PLAAT2: variants seen among roughly 807,000 people sequenced by gnomAD.
PLAAT2 encodes the protein phospholipase A and acyltransferase 2, also known as HRAS like suppressor 2.
Under a neutral mutation model 12.8 loss-of-function variants are expected in PLAAT2, and 12 were observed. The observed-to-expected ratio is 0.94, with a 90% CI of 0.60 to 1.52. PLAAT2 has a LOEUF of 1.52. PLAAT2 is among the 40% of genes most tolerant of loss of function. PLAAT2 has a pLI of 0.00. For synonymous variants in PLAAT2, 79 were observed against 86.8 expected (o/e 0.91, Z 0.50); for missense variants, 166 against 208.1 (o/e 0.80, Z 1.24).
intron 3 of PLAAT2, 145 bp from the exon 4 acceptor site, chr11:63,553,210 G>A (rs2017434193): frequency 3.4e-6 from 2 of 593,946 alleles, no homozygotes; most frequent in South Asian, 2.1e-5. Flanking sequence ...GCTGGGAGAG[G>A]GGATGCCAAG....
rs117353413 is a variant in PLAAT2, at chr11:63,554,843, C to T, written c.388-1778G>A. Among the ~76,000 whole-genome samples, 434 of 152,212 alleles carry T rather than the reference C, an allele frequency of 2.9e-3. 2 individuals carry two copies. Among genetic ancestry groups the T allele is most frequent in the Middle Eastern group, 0.021 (6 of 292 alleles). On this transcript the variant is annotated intron_variant, in intron 3 of 3. Transcript: ENST00000255695. Reference sequence around the variant, plus strand: ...GGGGAAAAGAAAGGGGGAAAAAAAACCATTTTATTCAAATACACTCAGAAT... The same window carrying T: ...GGGGAAAAGAAAGGGGGAAAAAAAATCATTTTATTCAAATACACTCAGAAT...
rs200778505 is a variant in PLAAT2 at position 63,560,211 on chromosome 11, G to A, written c.10-18C>T. 1.9e-5 allele frequency: 30 copies of A among 1,596,590 alleles called. No homozygotes were observed. Among genetic ancestry groups the A allele is most frequent in the Non-Finnish European group, 2.5e-5 (29 of 1,165,202 alleles). On this transcript the variant is annotated intron_variant, in intron 1 of 3. Coordinates refer to ENST00000255695, the MANE Select transcript of PLAAT2 (RefSeq NM_017878.2). ...GGTCTGGCCTGCAACAGAAAAACCA[G>A]AAACAGGCAGAGGTGAGCCATCTGC...
chr11:63,555,774 G>C (rs1206023946), intron 3 of PLAAT2, among the ~76,000 whole-genome samples: 1 of 152,180 alleles, frequency 6.6e-6, no homozygotes, highest in East Asian at 1.9e-4. Context: ...TTTATACAAG[G>C]GACTTCAGCA....
Position 63,560,713 on chromosome 11 carries a change from A to G in PLAAT2, c.10-520T>C, listed in dbSNP as rs547169392. ...TTGGGTGAAAACTATCATTACCCCCACTTGACAATGAGCACATGGAGTCTC... is the reference window on the plus strand; with the variant it reads ...TTGGGTGAAAACTATCATTACCCCCGCTTGACAATGAGCACATGGAGTCTC... On this transcript the variant is annotated intron_variant, in intron 1 of 3. Coordinates refer to ENST00000255695, the MANE Select transcript of PLAAT2 (RefSeq NM_017878.2). 2.0e-5 allele frequency among the ~76,000 whole-genome samples: 3 copies of G among 152,290 alleles called. No individual in the cohort carries two copies. In the East Asian group the frequency reaches 5.8e-4, roughly 29 times the overall value.
Position 63,558,667 on chromosome 11 carries a change from A to T in PLAAT2, c.119-7T>A, listed in dbSNP as rs755252989. On this transcript the variant is annotated splice_polypyrimidine_tract_variant and splice_region_variant and intron_variant, in intron 2 of 3. Transcript: ENST00000255695. The stretch of plus-strand genomic sequence containing the variant: ...CCAGCTCCAGCAATTTCACCTGTGC[A>T]AACAGTGAGTTCAGTCCTGGGCAGG... 1 of 1,613,996 alleles carries T rather than the reference A, an allele frequency of 6.2e-7. No homozygotes were observed.
intron 3 of PLAAT2, among the ~76,000 whole-genome samples, chr11:63,557,081 T>A (rs778344516): frequency 2.0e-5 from 3 of 152,220 alleles, no homozygotes; most frequent in Non-Finnish European, 4.4e-5. Flanking sequence ...CTGAATGAGC[T>A]AAATGTGCAA....
intron 3 of PLAAT2, among the ~76,000 whole-genome samples, chr11:63,556,259 C>T (rs2017465797): frequency 6.6e-6 from 1 of 152,120 alleles, no homozygotes; most frequent in Non-Finnish European, 1.5e-5. Flanking sequence ...GGGTGACCTG[C>T]AGGAGATGAA....
intron 3 of PLAAT2, among the ~76,000 whole-genome samples, chr11:63,558,103 T>C (rs917592956): frequency 6.6e-6 from 1 of 152,054 alleles, no homozygotes; most frequent in African/African-American, 2.4e-5. Flanking sequence ...ATCTGTAAAG[T>C]GGGAATCATA....
intron 2 of PLAAT2, among the ~76,000 whole-genome samples, chr11:63,559,198 G>A (rs188258247): frequency 2.2e-4 from 33 of 152,302 alleles, no homozygotes; most frequent in Non-Finnish European, 4.3e-4. Context: ...TAGCTACTCC[G>A]GGGGCGAGGC....
chr11:63,560,996 T>C (rs984475694), intron 1 of PLAAT2, among the ~76,000 whole-genome samples: 6 of 152,132 alleles, frequency 3.9e-5, no homozygotes, highest in African/African-American at 1.4e-4. Context: ...AGACAGCCCT[T>C]GCCACATAAA....
At chr11:63,557,794 T>G (rs900085148) in intron 3 of PLAAT2, among the ~76,000 whole-genome samples, 6 of 152,194 alleles carry the variant, frequency 3.9e-5, no homozygotes, top group African/African-American at 1.4e-4. Context: ...TTGCCCAACA[T>G]GATCTGGGCT....
rs1187594480 is a variant in PLAAT2, at chr11:63,561,307, T to C, written c.10-1114A>G. ...GGCATAAGAATCATACAACGGACTC[T>C]GAAGACTGAGGGAAAAGGGTGGGAG... On this transcript the variant is annotated intron_variant, in intron 1 of 3. Coordinates refer to ENST00000255695, the MANE Select transcript of PLAAT2 (RefSeq NM_017878.2). Among the ~76,000 whole-genome samples the C allele has an allele frequency of 2.0e-5, 3 of 152,154 alleles. No homozygotes were observed. The East Asian group carries it at 5.8e-4, about 29-fold the overall frequency.
chr11:63,563,271 G>T (rs2017534341), intron 1 of PLAAT2, 45 bp downstream of exon 1: 1 of 1,611,812 alleles, frequency 6.2e-7, no homozygotes, highest in African/African-American at 1.3e-5. Context: ...TAATAGGGTG[G>T]TTGTTCCTCA....
At chr11:63,556,383 C>A (rs1281614677) in intron 3 of PLAAT2, among the ~76,000 whole-genome samples, 1 of 152,174 alleles carries the variant, frequency 6.6e-6, no homozygotes, top group African/African-American at 2.4e-5. Context: ...GGGCCAACCA[C>A]TTCCTAAAAT....
upstream of PLAAT2, chr11:63,563,409 A>C (rs563398249): frequency 5.0e-5 from 78 of 1,562,120 alleles, 1 homozygote; most frequent in African/African-American, 8.5e-4. Flanking sequence ...CCTGTGACCC[A>C]GCCCATATAC....
chr11:63,555,525 A>C (rs1307300353), intron 3 of PLAAT2, among the ~76,000 whole-genome samples: 1 of 152,166 alleles, frequency 6.6e-6, no homozygotes, highest in Admixed American at 6.5e-5. Context: ...CCATTGCTAC[A>C]AAAAAGAAAT....
chr11:63,555,458 C>T (rs1251122745), intron 3 of PLAAT2, among the ~76,000 whole-genome samples: 1 of 152,178 alleles, frequency 6.6e-6, no homozygotes. Context: ...GAGGCCAAGG[C>T]AGGTGGATCA....
chr11:63,560,214 A>C, intron 1 of PLAAT2, 21 bp from the exon 2 acceptor site: 1 of 1,591,240 alleles, frequency 6.3e-7, no homozygotes, highest in Non-Finnish European at 8.6e-7. Flanking sequence ...AAAACCAGAA[A>C]CAGGCAGAGG....
chr11:63,558,744 A>G (rs920172577), intron 2 of PLAAT2, 84 bp from the exon 3 acceptor site: 6 of 1,495,632 alleles, frequency 4.0e-6, no homozygotes, highest in Non-Finnish European at 5.5e-6. Flanking sequence ...CCCGAGCACC[A>G]TCAAGGAGGA....
Sources: allele counts gnomAD v4.1 joint callset (sites outside exome capture counted in the v4.1 genomes callset), GRCh38; gene constraint gnomAD v4.1.1; transcripts MANE v1.5; gene names NCBI Gene and HGNC (gene_info 2026-07-23, HGNC 2026-07-21).